Variants in C1orf21 observed in about 807,000 individuals in gnomAD.
C1orf21 encodes uncharacterized protein C1orf21.
In C1orf21, 3 loss-of-function variants were observed where a neutral mutation model predicts 18.7. The ratio of observed to expected loss-of-function variants is 0.16; its 90% CI spans 0.07 to 0.42. C1orf21 has a LOEUF of 0.42. C1orf21 is among the 10% of genes least tolerant of loss of function. The pLI, the probability that C1orf21 is intolerant of heterozygous loss-of-function variation, is 0.99. For missense variants in C1orf21, 104 were observed against 143.6 expected, an observed-to-expected ratio of 0.72 and a Z score of 1.41; for synonymous variants, 41 against 46.4, an observed-to-expected ratio of 0.88 and a Z score of 0.47.
intron 1 of C1orf21, among the ~76,000 whole-genome samples, chr1:184,466,136 T>C (rs1296699916): frequency 6.6e-6 from 1 of 152,254 alleles, no homozygotes; most frequent in Admixed American, 6.5e-5. Flanking sequence ...CAATTTCTGG[T>C]AAAGGTCATT....
chr1:184,437,501 A>C (rs61823543), intron 1 of C1orf21, among the ~76,000 whole-genome samples: 23,946 of 151,886 alleles, frequency 0.16, 1,920 homozygotes, highest in African/African-American at 0.19. Flanking sequence ...CCTGAGTGCA[A>C]AGGTAGTACG....
At chr1:184,441,238 T>C (rs1485997071) in intron 1 of C1orf21, among the ~76,000 whole-genome samples, 2 of 152,370 alleles carry the variant, frequency 1.3e-5, no homozygotes, top group East Asian at 1.9e-4. Context: ...CTTATTTAAC[T>C]ATGCTATATC....
rs576895842 is a variant in C1orf21, at chr1:184,491,836, A to G, written c.94+14233A>G. 1.7e-3 allele frequency among the ~76,000 whole-genome samples: 264 copies of G among 152,324 alleles called. 1 individual carries two copies. Among genetic ancestry groups the G allele is most frequent in the Non-Finnish European group, 3.2e-3 (219 of 68,026 alleles). ...CCCAAGAGGTTGCTTAAGCTATGAGAACAAAAGTAAAGATAGGAAATAACT... is the reference window on the plus strand; with the variant it reads ...CCCAAGAGGTTGCTTAAGCTATGAGGACAAAAGTAAAGATAGGAAATAACT... On this transcript the variant is annotated intron_variant, in intron 2 of 5. Transcript: ENST00000235307.
intron 2 of C1orf21, among the ~76,000 whole-genome samples, chr1:184,495,795 C>A (rs113670572): frequency 6.6e-6 from 1 of 151,538 alleles, no homozygotes; most frequent in East Asian, 1.9e-4. Context: ...TGGCAGGTGA[C>A]GTAATCTCAG....
intron 1 of C1orf21, among the ~76,000 whole-genome samples, chr1:184,409,092 GTTCT>G (rs1656292705): frequency 6.6e-6 from 1 of 151,956 alleles, no homozygotes; most frequent in Non-Finnish European, 1.5e-5. Flanking sequence ...GCACTTTTTT[GTTCT>G]TTCTTTCTCA....
chr1:184,453,921 G>T (rs1571365536), intron 1 of C1orf21, among the ~76,000 whole-genome samples: 1 of 152,194 alleles, frequency 6.6e-6, no homozygotes, highest in Non-Finnish European at 1.5e-5. Flanking sequence ...CTTTCCAGCT[G>T]TTGGAGAGAT....
chr1:184,427,576 G>A (rs1349766776), intron 1 of C1orf21, among the ~76,000 whole-genome samples: 1 of 152,100 alleles, frequency 6.6e-6, no homozygotes, highest in Non-Finnish European at 1.5e-5. Flanking sequence ...GCAGGTTATT[G>A]AACCTTTCTT....
intron 2 of C1orf21, among the ~76,000 whole-genome samples, chr1:184,499,945 C>T (rs1657949128): frequency 1.3e-5 from 2 of 152,224 alleles, no homozygotes; most frequent in South Asian, 4.1e-4. Context: ...AGCTGACCTG[C>T]GACTTCAAGA....
chr1:184,426,426 C>A (rs1025647389), intron 1 of C1orf21, among the ~76,000 whole-genome samples: 4 of 152,078 alleles, frequency 2.6e-5, no homozygotes, highest in Non-Finnish European at 4.4e-5. Flanking sequence ...AGTAACACAC[C>A]CCATTGGTGT....
intron 1 of C1orf21, among the ~76,000 whole-genome samples, chr1:184,455,160 A>G (rs1657179475): frequency 6.6e-6 from 1 of 152,144 alleles, no homozygotes; most frequent in South Asian, 2.1e-4. Context: ...CCATGTGTGG[A>G]CTCACGTTGC....
rs552488348 is a variant in C1orf21 at position 184,621,129 on chromosome 1, G to A, written c.*1573G>A. The A allele has an allele frequency of 6.6e-5, 10 of 152,432 alleles. No homozygotes were observed. Among genetic ancestry groups the A allele is most frequent in the East Asian group, 1.9e-4 (1 of 5,184 alleles). The allele number at this position is 152,432 out of a possible 1,614,324, so 9.4% of individuals were successfully genotyped here. On this transcript the variant is annotated 3_prime_UTR_variant, in exon 6 of 6. Coordinates refer to ENST00000235307, the MANE Select transcript of C1orf21 (RefSeq NM_030806.4). ...TGCTCTTGCCGAAAAGATGAGCCTC[G>A]ATTTTAAAATCTATCCACATCCAAC...
intron 1 of C1orf21, among the ~76,000 whole-genome samples, chr1:184,452,257 C>G (rs914517415): frequency 2.6e-5 from 4 of 152,192 alleles, no homozygotes; most frequent in Non-Finnish European, 5.9e-5. Context: ...ACCATGTCTC[C>G]TATGAAGGGC....
chr1:184,463,441 A>G (rs146884737), intron 1 of C1orf21, among the ~76,000 whole-genome samples: 13 of 152,332 alleles, frequency 8.5e-5, no homozygotes, highest in African/African-American at 2.4e-4. Flanking sequence ...ACCTTTTTAT[A>G]TAGCCTGTAA....
chr1:184,612,919 C>G (rs1169057095), intron 5 of C1orf21, among the ~76,000 whole-genome samples: 3 of 152,066 alleles, frequency 2.0e-5, no homozygotes, highest in South Asian at 2.1e-4. Flanking sequence ...TGTTGTTACT[C>G]TCTTGCTGTG....
At chr1:184,430,114 A>C (rs1310728715) in intron 1 of C1orf21, among the ~76,000 whole-genome samples, 1 of 48,224 alleles carries the variant, frequency 2.1e-5, no homozygotes, top group African/African-American at 1.6e-4. Flanking sequence ...TCCGTCTCAC[A>C]AAAAAAAAAA....
At position 184,625,355 on chromosome 1, in the gene C1orf21, G is replaced by A. The variant is rs965807108; in HGVS notation, c.*5799G>A. On this transcript the variant is annotated 3_prime_UTR_variant, in exon 6 of 6. Coordinates refer to ENST00000235307, the MANE Select transcript of C1orf21 (RefSeq NM_030806.4). ...ATAGCCCCTGTGTCCTGGCATTTCA[G>A]TCTAGACCTTCAAGGACTGTTCTCT... 1 of 152,616 alleles carries A rather than the reference G, an allele frequency of 6.6e-6. No individual in the cohort carries two copies. Among genetic ancestry groups the A allele is most frequent in the South Asian group, 2.1e-4 (1 of 4,828 alleles). The allele number at this position is 152,616 out of a possible 1,614,324, so 9.5% of individuals were successfully genotyped here. A position where few individuals can be genotyped will look rare whatever the true frequency, so the allele number is the denominator to read the frequency against.
intron 1 of C1orf21, among the ~76,000 whole-genome samples, chr1:184,402,776 G>A (rs1366229035): frequency 6.6e-6 from 1 of 152,156 alleles, no homozygotes; most frequent in Non-Finnish European, 1.5e-5. Context: ...TAATCACAGA[G>A]GTTGTACAGT....
intron 1 of C1orf21, among the ~76,000 whole-genome samples, chr1:184,388,636 T>C (rs1166872392): frequency 6.6e-6 from 1 of 151,964 alleles, no homozygotes; most frequent in Non-Finnish European, 1.5e-5. Context: ...TTTCTTTTTT[T>C]TTTTTGTAGG....
intron 1 of C1orf21, among the ~76,000 whole-genome samples, chr1:184,470,866 A>G (rs570058181): frequency 6.6e-6 from 1 of 150,546 alleles, no homozygotes; most frequent in Admixed American, 6.7e-5. Context: ...GCAACAGAGT[A>G]AGACTCTTTC....
Sources: allele counts gnomAD v4.1 joint callset (sites outside exome capture counted in the v4.1 genomes callset), GRCh38; gene constraint gnomAD v4.1.1; transcripts MANE v1.5; gene names NCBI Gene and HGNC (gene_info 2026-07-23, HGNC 2026-07-21).